The following SORCS3 variants were observed in gnomAD, a reference collection of about 807,000 sequenced individuals.
SORCS3 encodes sortilin related VPS10 domain containing receptor 3, also known as VPS10 domain-containing receptor SorCS3.
SORCS3 carries 57 observed loss-of-function variants against 146.3 expected under a neutral mutation model. The ratio of observed to expected loss-of-function variants is 0.39; its 90% CI spans 0.31 to 0.49. The LOEUF (loss-of-function observed/expected upper bound fraction) is 0.49, where lower values mean the gene tolerates loss of function less well. Ranked by LOEUF, SORCS3 falls within the 20% of genes least tolerant of loss-of-function variation. The pLI is 0.92. For synonymous variants in SORCS3, 653 were observed against 618.5 expected (o/e 1.06, Z -0.83); for missense variants, 1,341 against 1,575.5 (o/e 0.85, Z 2.52).
intron 3 of SORCS3, among the ~76,000 whole-genome samples, chr10:104,946,198 T>C (rs1159252849): frequency 1.3e-5 from 2 of 151,748 alleles, no homozygotes; most frequent in Non-Finnish European, 2.9e-5. Flanking sequence ...GACTACTAGA[T>C]AAGGAGGGGA....
At chr10:105,221,010 G>C (rs2056698224) in intron 19 of SORCS3, among the ~76,000 whole-genome samples, 1 of 152,184 alleles carries the variant, frequency 6.6e-6, no homozygotes. Context: ...TTGGGGTCAA[G>C]GCAGAGCGCT....
chr10:104,731,139 G>C (rs181168032), intron 1 of SORCS3, among the ~76,000 whole-genome samples: 2 of 152,154 alleles, frequency 1.3e-5, no homozygotes, highest in Admixed American at 1.3e-4. Flanking sequence ...TGGTGTCTCC[G>C]CTGAGCCCGC....
At chr10:104,863,303 G>T (rs760775562) in intron 2 of SORCS3, among the ~76,000 whole-genome samples, 76 of 152,188 alleles carry the variant, frequency 5.0e-4, no homozygotes, top group Non-Finnish European at 7.8e-4. Flanking sequence ...CTATGGAGCT[G>T]TTCTAGCCAG....
intron 13 of SORCS3, among the ~76,000 whole-genome samples, chr10:105,172,776 G>A (rs913199105): frequency 6.6e-6 from 1 of 152,046 alleles, no homozygotes; most frequent in Non-Finnish European, 1.5e-5. Context: ...GTAGAAGGAT[G>A]ATTTCTTTTC....
At chr10:104,729,060 A>G (rs560748911) in intron 1 of SORCS3, among the ~76,000 whole-genome samples, 1 of 152,330 alleles carries the variant, frequency 6.6e-6, no homozygotes, top group African/African-American at 2.4e-5. Context: ...CCTATTTTCA[A>G]AATAGTTTTA....
chr10:104,863,535 C>G (rs1434699747), intron 2 of SORCS3, among the ~76,000 whole-genome samples: 1 of 152,202 alleles, frequency 6.6e-6, no homozygotes, highest in Non-Finnish European at 1.5e-5. Flanking sequence ...TCTTACTGTG[C>G]ATGGCTTCTT....
chr10:105,150,618 T>C (rs1349883408), intron 9 of SORCS3, among the ~76,000 whole-genome samples: 2 of 152,130 alleles, frequency 1.3e-5, no homozygotes, highest in Non-Finnish European at 2.9e-5. Context: ...AGGCTAATTG[T>C]GTGGAATAAA....
chr10:104,887,521 C>T (rs1319503134), intron 2 of SORCS3, among the ~76,000 whole-genome samples: 1 of 152,152 alleles, frequency 6.6e-6, no homozygotes, highest in African/African-American at 2.4e-5. Flanking sequence ...GTTTAGACTT[C>T]CTCCTGGTGG....
At chr10:104,655,545 T>G (rs997124871) in intron 1 of SORCS3, among the ~76,000 whole-genome samples, 1 of 152,202 alleles carries the variant, frequency 6.6e-6, no homozygotes, top group Non-Finnish European at 1.5e-5. Flanking sequence ...AAAATCATTT[T>G]TAAAAACCAC....
intron 1 of SORCS3, among the ~76,000 whole-genome samples, chr10:104,780,155 C>A (rs936493905): frequency 6.6e-6 from 1 of 150,464 alleles, no homozygotes; most frequent in African/African-American, 2.4e-5. Context: ...TTTTTTAAGC[C>A]ACAACGGAGC....
At chr10:104,772,667 A>G (rs113992129) in intron 1 of SORCS3, among the ~76,000 whole-genome samples, 57 of 152,290 alleles carry the variant, frequency 3.7e-4, no homozygotes, top group African/African-American at 1.3e-3. Flanking sequence ...AAAAGATGCC[A>G]TGATCTTTGC....
At chr10:104,989,117 G>A (rs754811212) in intron 4 of SORCS3, among the ~76,000 whole-genome samples, 5 of 152,156 alleles carry the variant, frequency 3.3e-5, no homozygotes, top group East Asian at 1.9e-4. Flanking sequence ...GTATTGCTGC[G>A]TGTTTCATTG....
intron 5 of SORCS3, among the ~76,000 whole-genome samples, chr10:105,050,643 C>G: frequency 6.6e-6 from 1 of 152,138 alleles, no homozygotes; most frequent in East Asian, 1.9e-4. Flanking sequence ...AGGCACCTAG[C>G]TGAGTTGTGC....
chr10:105,041,357 T>C (rs984500691), intron 4 of SORCS3, among the ~76,000 whole-genome samples: 1 of 146,484 alleles, frequency 6.8e-6, no homozygotes, highest in Admixed American at 6.9e-5. Context: ...ACACAGCTAG[T>C]AGTCAGCTGT....
chr10:105,220,376 G>GA (rs2056693730), intron 19 of SORCS3, among the ~76,000 whole-genome samples: 1 of 152,202 alleles, frequency 6.6e-6, no homozygotes. Context: ...AGTTTATGGA[G>GA]AAGGGGGTCT....
At chr10:105,202,926 G>T (rs1364810839) in intron 16 of SORCS3, among the ~76,000 whole-genome samples, 1 of 152,154 alleles carries the variant, frequency 6.6e-6, no homozygotes, top group African/African-American at 2.4e-5. Flanking sequence ...CTCTAAACTT[G>T]GGAGGGGCAG....
chr10:105,200,337 A>C (rs1448888357), intron 15 of SORCS3, among the ~76,000 whole-genome samples: 4 of 152,136 alleles, frequency 2.6e-5, no homozygotes. Flanking sequence ...CTACTAATTG[A>C]GGTCACTGAG....
intron 4 of SORCS3, among the ~76,000 whole-genome samples, chr10:104,982,886 G>A (rs1564728188): frequency 6.6e-6 from 1 of 152,182 alleles, no homozygotes; most frequent in Non-Finnish European, 1.5e-5. Context: ...TGAGAGAAGG[G>A]CAGTAAGGAT....
intron 1 of SORCS3, among the ~76,000 whole-genome samples, chr10:104,760,412 G>A (rs957061286): frequency 1.3e-5 from 2 of 152,114 alleles, no homozygotes; most frequent in Admixed American, 6.5e-5. Flanking sequence ...ACCTCTGCTA[G>A]CCAGGGTGCA....
Sources: gnomAD v4.1 joint callset for allele counts (sites outside exome capture counted in the v4.1 genomes callset) on GRCh38, gnomAD v4.1.1 for gene constraint, MANE v1.5 for transcripts, NCBI Gene and HGNC (gene_info 2026-07-23, HGNC 2026-07-21) for gene names.